The following CDH2 variants were observed in gnomAD, a reference collection of about 807,000 sequenced individuals.
CDH2 encodes the protein cadherin-2.
In CDH2, 17 loss-of-function variants were observed where a neutral mutation model predicts 92.0. That is an observed-to-expected ratio of 0.18 (90% CI 0.13 to 0.28). The LOEUF is 0.28. CDH2 is among the 10% of genes least tolerant of loss of function. The probability of loss-of-function intolerance (pLI) is 1.00; values close to 1 mark genes in which losing one functional copy is unlikely to be tolerated. For synonymous variants in CDH2, 419 were observed against 415.9 expected, an observed-to-expected ratio of 1.01 and a Z score of -0.09; for missense variants, 862 against 1,133.1, an observed-to-expected ratio of 0.76 and a Z score of 3.44.
intron 2 of CDH2, among the ~76,000 whole-genome samples, chr18:28,100,793 G>A (rs946855349): frequency 4.6e-5 from 7 of 152,124 alleles, no homozygotes; most frequent in Admixed American, 1.3e-4. Flanking sequence ...TTAAAGAAAC[G>A]AATTAATAGA....
chr18:28,102,445 C>T (rs549811730), intron 2 of CDH2, among the ~76,000 whole-genome samples: 17 of 152,188 alleles, frequency 1.1e-4, no homozygotes, highest in African/African-American at 3.6e-4. Context: ...TATCCATATC[C>T]TTGCTTTCTG....
chr18:28,104,397 A>G (rs1258890857), intron 2 of CDH2, among the ~76,000 whole-genome samples: 1 of 152,102 alleles, frequency 6.6e-6, no homozygotes, highest in East Asian at 1.9e-4. Flanking sequence ...GAAATCAAGG[A>G]TAACAAACAG....
rs542553602 is a variant in CDH2, at chr18:28,128,558, T to C, written c.172+19115A>G. Among the ~76,000 whole-genome samples, 4 of 152,100 alleles carry C rather than the reference T, an allele frequency of 2.6e-5. No individual in the cohort carries two copies. The South Asian group carries it at 6.2e-4, about 24-fold the overall frequency. On this transcript the variant is annotated intron_variant, in intron 2 of 15. Coordinates refer to ENST00000269141, the MANE Select transcript of CDH2 (RefSeq NM_001792.5). ...TAACAAACAAACAATTAGCTGGGCA[T>C]GCCTGTAGTCCCAGCTACTTGGGAG...
At chr18:28,145,542 A>T (rs922447184) in intron 2 of CDH2, among the ~76,000 whole-genome samples, 5 of 152,080 alleles carry the variant, frequency 3.3e-5, no homozygotes, top group Non-Finnish European at 7.4e-5. Context: ...ATAGCATTGG[A>T]TTATCCTTCT....
Position 28,096,434 on chromosome 18 carries a change from CAAT to C in CDH2, c.172+51236_172+51238del, listed in dbSNP as rs563822066. 9.3e-4 allele frequency among the ~76,000 whole-genome samples: 138 copies of C among 147,656 alleles called. 1 individual carries two copies. Among genetic ancestry groups the C allele is most frequent in the African/African-American group, 3.4e-3 (135 of 40,182 alleles). On this transcript the variant is annotated intron_variant, in intron 2 of 15. Transcript: ENST00000269141. Reference sequence around the variant, plus strand: ...TTTTTTTTTTTTTTAACATAACACACAATGATGAAGTAACTATGGTAGAGAATA... The same window carrying C: ...TTTTTTTTTTTTTTAACATAACACACGATGAAGTAACTATGGTAGAGAATA...
At chr18:27,956,001 G>A (rs539760155) in intron 15 of CDH2, among the ~76,000 whole-genome samples, 1 of 152,072 alleles carries the variant, frequency 6.6e-6, no homozygotes, top group South Asian at 2.1e-4. Context: ...TCTTCTGAAC[G>A]AGGTATTATA....
chr18:27,958,801 G>A (rs1257148469), intron 15 of CDH2, among the ~76,000 whole-genome samples: 2 of 152,050 alleles, frequency 1.3e-5, no homozygotes, highest in African/African-American at 2.4e-5. Flanking sequence ...CTATGCTGCC[G>A]CTCTCACGAT....
chr18:28,036,157 G>A (rs896502020), intron 2 of CDH2, among the ~76,000 whole-genome samples: 1 of 152,104 alleles, frequency 6.6e-6, no homozygotes, highest in Non-Finnish European at 1.5e-5. Flanking sequence ...ATTTGAAAAT[G>A]TATCTCTTGT....
chr18:28,063,523 C>T (rs1015898817), intron 2 of CDH2, among the ~76,000 whole-genome samples: 1 of 152,226 alleles, frequency 6.6e-6, no homozygotes, highest in South Asian at 2.1e-4. Context: ...ACAACTTCAG[C>T]CCATCTCTGT....
chr18:28,071,785 C>T (rs144608845), intron 2 of CDH2, among the ~76,000 whole-genome samples: 3 of 152,218 alleles, frequency 2.0e-5, no homozygotes, highest in East Asian at 1.9e-4. Context: ...TCTCTCCCTT[C>T]GAGCTTCCTT....
rs1416307615 is a variant in CDH2, at chr18:28,092,589, GC to G, written c.172+55083del. Among the ~76,000 whole-genome samples the G allele has an allele frequency of 4.6e-5, 7 of 151,250 alleles. No individual in the cohort carries two copies. In the East Asian group the frequency reaches 1.2e-3, roughly 25 times the overall value. ...ATGAAAAGAATCTAAAATTGTAAAA[GC>G]CCCATAAAAACTCTGCAGTTGAAAA... On this transcript the variant is annotated intron_variant, in intron 2 of 15. Coordinates refer to ENST00000269141, the MANE Select transcript of CDH2 (RefSeq NM_001792.5).
chr18:28,120,502 T>C (rs2015569395), intron 2 of CDH2, among the ~76,000 whole-genome samples: 1 of 152,132 alleles, frequency 6.6e-6, no homozygotes, highest in African/African-American at 2.4e-5. Context: ...ACTTTGCTAT[T>C]ACATAGTCAT....
chr18:27,987,990 A>G (rs1291903930), intron 11 of CDH2, among the ~76,000 whole-genome samples: 4 of 152,118 alleles, frequency 2.6e-5, no homozygotes, highest in Non-Finnish European at 5.9e-5. Context: ...GTCCTTATCT[A>G]TTAATCTTAA....
At chr18:27,993,398 G>A (rs1470167824) in intron 8 of CDH2, 102 bp downstream of exon 8, 1 of 1,174,594 alleles carries the variant, frequency 8.5e-7, no homozygotes, top group African/African-American at 1.5e-5. Context: ...ACTATTAGGT[G>A]AAGCAAGTTC....
In CDH2 at chr18:27,952,098, G is replaced by T; in HGVS notation, c.*55C>A. ...AAGCCTAGCTTCTGAATGCTTTTTG[G>T]GAATATCAGTTGAAATTGTTTGTAC... On this transcript the variant is annotated 3_prime_UTR_variant, in exon 16 of 16. Transcript: ENST00000269141. 1 of 1,422,856 alleles carries T rather than the reference G, an allele frequency of 7.0e-7. No homozygotes were observed. Among genetic ancestry groups the T allele is most frequent in the Non-Finnish European group, 9.9e-7 (1 of 1,007,560 alleles). The allele number at this position is 1,422,856 out of a possible 1,614,324, so 88.1% of individuals were successfully genotyped here. A position where few individuals can be genotyped will look rare whatever the true frequency, so the allele number is the denominator to read the frequency against.
intron 14 of CDH2, among the ~76,000 whole-genome samples, chr18:27,964,673 G>A (rs751608494): frequency 1.3e-5 from 2 of 152,146 alleles, no homozygotes; most frequent in African/African-American, 2.4e-5. Context: ...TCTTACATAT[G>A]TTCACTCATT....
At chr18:27,938,756 G>A (rs1017945466) in intron 6 of CDH2, among the ~76,000 whole-genome samples, 1 of 152,136 alleles carries the variant, frequency 6.6e-6, no homozygotes, top group African/African-American at 2.4e-5. Context: ...GAACAGCACA[G>A]TGTTATAGCA....
At chr18:28,019,926 A>G (rs190133890) in intron 2 of CDH2, among the ~76,000 whole-genome samples, 2 of 152,154 alleles carry the variant, frequency 1.3e-5, no homozygotes, top group East Asian at 3.9e-4. Flanking sequence ...TTGATGAAAT[A>G]TTAGTCCTGA....
At chr18:28,060,323 C>T (rs530862902) in intron 2 of CDH2, among the ~76,000 whole-genome samples, 22 of 152,160 alleles carry the variant, frequency 1.4e-4, no homozygotes, top group African/African-American at 5.1e-4. Context: ...GTAGCTGGGA[C>T]TACAGGCGCG....
Sources: allele counts gnomAD v4.1 joint callset (sites outside exome capture counted in the v4.1 genomes callset), GRCh38; gene constraint gnomAD v4.1.1; transcripts MANE v1.5; gene names NCBI Gene and HGNC (gene_info 2026-07-23, HGNC 2026-07-21).